The following ACSL6 variants were observed in gnomAD, a reference collection of about 807,000 sequenced individuals.
ACSL6 encodes the protein long-chain-fatty-acid--CoA ligase 6.
In ACSL6, 47 loss-of-function variants were observed where a neutral mutation model predicts 98.2. The observed-to-expected ratio is 0.48, with a 90% CI of 0.38 to 0.61. ACSL6 has a LOEUF of 0.61. Ranked by LOEUF, ACSL6 falls within the 20% of genes least tolerant of loss-of-function variation. ACSL6 has a pLI of 0.00. For synonymous variants in ACSL6, 362 were observed against 336.9 expected, an observed-to-expected ratio of 1.07 and a Z score of -0.82; for missense variants, 761 against 913.4, an observed-to-expected ratio of 0.83 and a Z score of 2.15.
chr5:131,976,269 C>T (rs1181396836), intron 10 of ACSL6: 2 of 971,260 alleles, frequency 2.1e-6, no homozygotes, highest in Non-Finnish European at 2.4e-6. Context: ...GAATTAAACC[C>T]TGACCTTTGA....
At chr5:132,000,733 G>A (rs962911682) in intron 1 of ACSL6, among the ~76,000 whole-genome samples, 16 of 152,156 alleles carry the variant, frequency 1.1e-4, no homozygotes, top group African/African-American at 3.6e-4. Flanking sequence ...CACATCAGGT[G>A]CTTCTGGGCA....
chr5:131,982,116 A>G (rs1421112665), intron 9 of ACSL6: 7 of 142,144 alleles, frequency 4.9e-5, no homozygotes, highest in Non-Finnish European at 9.0e-5. Flanking sequence ...TCGGCCTCCC[A>G]AAGTGCTGGG....
At chr5:131,994,712 C>A in intron 1 of ACSL6, 1 of 177,938 alleles carries the variant, frequency 5.6e-6, no homozygotes. Flanking sequence ...TGAAGGAATG[C>A]AGGCTCCTCC....
At chr5:131,955,152 T>C (rs1752332844) in intron 20 of ACSL6, among the ~76,000 whole-genome samples, 1 of 152,190 alleles carries the variant, frequency 6.6e-6, no homozygotes, top group African/African-American at 2.4e-5. Context: ...GGATATCCAA[T>C]TTAAATAGCT....
chr5:131,998,986 C>A (rs1479543178), intron 1 of ACSL6, among the ~76,000 whole-genome samples: 6 of 152,152 alleles, frequency 3.9e-5, no homozygotes. Flanking sequence ...GAGTTCTGGG[C>A]CTCTGCAAAC....
chr5:131,954,311 T>G lies in ACSL6; in HGVS notation c.2092A>C (p.Thr698Pro). The G allele has an allele frequency of 6.2e-7, 1 of 1,614,072 alleles. No homozygotes were observed. Among genetic ancestry groups the G allele is most frequent in the Non-Finnish European group, 8.5e-7 (1 of 1,179,974 alleles). ...AGCTCAGGTCTCTTAGCTTTTAGTG[T>G]TGGTGTCAGCAAGCCATTTTGAACT... Reference protein sequence around the residue: ...FSVQNGLLTPTLKAKRPELRE... With the variant: ...FSVQNGLLTPPLKAKRPELRE... The change falls in exon 21 of 21, where the codon ACA (threonine) becomes CCA (proline). Residue 698 changes from threonine (T) to proline (P), a missense_variant. By Grantham distance (38) the Thr-to-Pro change is conservative. Transcript: ENST00000651883.
chr5:131,973,349 G>A lies in ACSL6; in HGVS notation c.1120C>T (p.Arg374Cys), dbSNP rs369266573. Residue 374 changes from arginine to cysteine, a missense_variant, in exon 12 of 21, where the codon CGC becomes TGC. Physicochemically the swap from Arg to Cys is radical, Grantham distance 180. Transcript: ENST00000651883. ...GRVGFFQGDI[R>C]LLSDDMKALC... ...GCCTTCATGTCATCTGAGAGAAGGC[G>A]GATATCTCCCTGGAAGAAGCCAACA... 24 of 1,614,048 alleles carry A rather than the reference G, an allele frequency of 1.5e-5. No individual in the cohort carries two copies. Among genetic ancestry groups the A allele is most frequent in the Admixed American group, 5.0e-5 (3 of 60,006 alleles).
chr5:132,008,972 G>A (rs1278429090), intron 1 of ACSL6, among the ~76,000 whole-genome samples: 3 of 152,218 alleles, frequency 2.0e-5, no homozygotes, highest in Admixed American at 6.5e-5. Context: ...TCCTCTAGGT[G>A]TTTATGGCAC....
At position 131,994,067 on chromosome 5, in the gene ACSL6, C is replaced by T. The variant is rs140760107; in HGVS notation, c.234G>A (p.Pro78=). The T allele has an allele frequency of 1.5e-3, 2,379 of 1,614,072 alleles. 26 individuals carry two copies. The African/African-American group carries it at 0.019, about 13-fold the overall frequency. Residue 78 remains proline (P), a synonymous_variant, in exon 2 of 21, where the codon CCG becomes CCA. Transcript: ENST00000651883. ...CTGACTGCATCAGGAGGTTGCATGGCGGCTGCAAGGCCTTTGGCCGGTGAG... is the reference window on the plus strand; with the variant it reads ...CTGACTGCATCAGGAGGTTGCATGGTGGCTGCAAGGCCTTTGGCCGGTGAG... The part of the protein sequence containing the change: ...WFTHRPKALQ[P]PCNLLMQSEE...
chr5:131,994,154 G>A lies in ACSL6; in HGVS notation c.147C>T (p.Ser49=). The change falls in exon 2 of 21, where the codon AGC becomes AGT. Residue 49 remains serine (S), a synonymous_variant. Transcript: ENST00000651883. ...ELGDLGQFFR[S]LSATTLVSMG... is the part of the protein sequence containing the mutation. ...TACTCACGAGGGTGGTGGCCGAGAGGCTGCGGAAAAACTGTCCCAAGTCAC... is the reference window on the plus strand; with the variant it reads ...TACTCACGAGGGTGGTGGCCGAGAGACTGCGGAAAAACTGTCCCAAGTCAC... The A allele has an allele frequency of 1.2e-6, 2 of 1,614,230 alleles. No individual in the cohort carries two copies. Among genetic ancestry groups the A allele is most frequent in the African/African-American group, 1.3e-5 (1 of 75,064 alleles).
intron 14 of ACSL6, 135 bp downstream of exon 14, chr5:131,971,415 T>C (rs776130392): frequency 9.8e-5 from 64 of 652,520 alleles, no homozygotes; most frequent in Non-Finnish European, 1.4e-4. Context: ...AGTTTTTTCC[T>C]CCTCAGAGGA....
At chr5:131,958,278 C>G (rs1324705304) in intron 20 of ACSL6, among the ~76,000 whole-genome samples, 1 of 152,222 alleles carries the variant, frequency 6.6e-6, no homozygotes, top group African/African-American at 2.4e-5. Context: ...TAGGCTGCAG[C>G]CAGCCCTTCA....
intron 9 of ACSL6, chr5:131,984,447 G>C (rs1754062184): frequency 6.6e-6 from 1 of 152,246 alleles, no homozygotes; most frequent in Non-Finnish European, 1.5e-5. Flanking sequence ...GGCAAGACAA[G>C]TGACATCCAC....
intron 20 of ACSL6, 65 bp downstream of exon 20, chr5:131,959,471 T>A: frequency 6.6e-7 from 1 of 1,524,618 alleles, no homozygotes; most frequent in Non-Finnish European, 9.1e-7. Flanking sequence ...AGGGTCACCA[T>A]GGGTTAATTT....
intron 16 of ACSL6, among the ~76,000 whole-genome samples, chr5:131,967,731 C>T (rs888047518): frequency 6.6e-6 from 1 of 151,608 alleles, no homozygotes; most frequent in African/African-American, 2.4e-5. Context: ...AATTCCAAAT[C>T]TTTATTTAAA....
chr5:131,997,546 C>G (rs1213033292), intron 1 of ACSL6, among the ~76,000 whole-genome samples: 1 of 152,228 alleles, frequency 6.6e-6, no homozygotes, highest in Non-Finnish European at 1.5e-5. Context: ...CCACCAGAGC[C>G]TGTATGAGGG....
chr5:131,996,506 G>C (rs915851369), intron 1 of ACSL6, among the ~76,000 whole-genome samples: 2 of 152,172 alleles, frequency 1.3e-5, no homozygotes, highest in Admixed American at 6.5e-5. Flanking sequence ...GAGCTGAACT[G>C]ACTTAATGAT....
intron 13 of ACSL6, among the ~76,000 whole-genome samples, 173 bp from the exon 14 acceptor site, chr5:131,971,818 C>G (rs1421831396): frequency 6.6e-6 from 1 of 152,174 alleles, no homozygotes; most frequent in African/African-American, 2.4e-5. Context: ...AACTCCTTCC[C>G]CTTCCTAATG....
At chr5:131,979,027 T>C (rs992006195) in intron 9 of ACSL6, among the ~76,000 whole-genome samples, 4 of 152,238 alleles carry the variant, frequency 2.6e-5, no homozygotes, top group Admixed American at 2.6e-4. Context: ...CTCTAATAAA[T>C]AGCTGTCAAA....
Sources: gnomAD v4.1 joint callset for allele counts (sites outside exome capture counted in the v4.1 genomes callset) on GRCh38, gnomAD v4.1.1 for gene constraint, MANE v1.5 for transcripts, NCBI Gene and HGNC (gene_info 2026-07-23, HGNC 2026-07-21) for gene names.